Variants in REPS1 observed in about 807,000 individuals in gnomAD.
The protein encoded by REPS1 is ralBP1-associated Eps domain-containing protein 1.
A neutral mutation model predicts 100.9 loss-of-function variants in REPS1; 39 were observed. The ratio of observed to expected loss-of-function variants is 0.39; its 90% CI spans 0.30 to 0.50. The LOEUF is 0.50. Among genes scored for constraint, REPS1 ranks in the 20% least tolerant of loss-of-function variants. The pLI, the probability that REPS1 is intolerant of heterozygous loss-of-function variation, is 0.86. For missense variants in REPS1, 821 were observed against 968.5 expected, an observed-to-expected ratio of 0.85 and a Z score of 2.02; for synonymous variants, 324 against 340.3, an observed-to-expected ratio of 0.95 and a Z score of 0.53.
In REPS1 at chr6:138,917,548, T is replaced by C; in HGVS notation, c.1601+7A>G. On this transcript the variant is annotated splice_region_variant and intron_variant, in intron 13 of 19. Coordinates refer to ENST00000450536, the MANE Select transcript of REPS1 (RefSeq NM_001286611.2). ...TTAACATGCTTTTCATTGACAGAAATACTGACCTTTGACGAGTTACATTGC... is the reference window on the plus strand; with the variant it reads ...TTAACATGCTTTTCATTGACAGAAACACTGACCTTTGACGAGTTACATTGC... 6.2e-7 allele frequency: 1 copy of C among 1,606,744 alleles called. No individual in the cohort carries two copies. Among genetic ancestry groups the C allele is most frequent in the Non-Finnish European group, 8.5e-7 (1 of 1,173,488 alleles).
intron 8 of REPS1, among the ~76,000 whole-genome samples, chr6:138,937,234 A>G (rs549305081): frequency 1.3e-5 from 2 of 152,328 alleles, no homozygotes; most frequent in East Asian, 3.9e-4. Flanking sequence ...ATAAGAATTC[A>G]AGATGAGATT....
intron 12 of REPS1, among the ~76,000 whole-genome samples, chr6:138,917,858 T>C (rs957602027): frequency 1.4e-4 from 22 of 152,194 alleles, no homozygotes; most frequent in Non-Finnish European, 1.9e-4. Flanking sequence ...AAATAATGAA[T>C]ACTTAATGAT....
At chr6:138,961,103 C>G (rs1783710048) in intron 1 of REPS1, among the ~76,000 whole-genome samples, 1 of 152,140 alleles carries the variant, frequency 6.6e-6, no homozygotes, top group African/African-American at 2.4e-5. Flanking sequence ...TACTTTAGCT[C>G]TCAACACACA....
In REPS1 at chr6:138,908,689, G is replaced by A; in HGVS notation, c.2195C>T (p.Ala732Val). The part of the protein sequence containing the change: ...QKTGVLAAVL[A>V]SQPSIPRSVG... The stretch of plus-strand genomic sequence containing the variant: ...TTACCTGGGAATAGAAGGTTGTGAT[G>A]CAAGAACAGCAGCTAAGACACCCGT... Residue 732 changes from alanine to valine, a missense_variant, in exon 18 of 20, where the codon GCA (alanine) becomes GTA (valine). Transcript: ENST00000450536. 1 of 1,614,124 alleles carries A rather than the reference G, an allele frequency of 6.2e-7. No individual in the cohort carries two copies. Among genetic ancestry groups the A allele is most frequent in the Non-Finnish European group, 8.5e-7 (1 of 1,180,004 alleles).
intron 1 of REPS1, among the ~76,000 whole-genome samples, chr6:138,969,844 T>C (rs1274755625): frequency 4.7e-5 from 7 of 149,634 alleles, no homozygotes; most frequent in African/African-American, 1.7e-4. Context: ...AAGAAAGAGG[T>C]TACTGTGAAT....
Position 138,944,508 on chromosome 6 carries a change from G to C in REPS1, c.743C>G (p.Ala248Gly). 6.2e-7 allele frequency: 1 copy of C among 1,613,892 alleles called. No individual in the cohort carries two copies. Among genetic ancestry groups the C allele is most frequent in the Non-Finnish European group, 8.5e-7 (1 of 1,179,856 alleles). Reference sequence around the variant, plus strand: ...AATAAAATGTCACACCTGGACAGAAGCAGGATGCATGGTTAAAAGAGTACT... The same window carrying C: ...AATAAAATGTCACACCTGGACAGAACCAGGATGCATGGTTAAAAGAGTACT... ...PTSTLLTMHP[A>G]SVQDQTTVRT... Residue 248 changes from alanine (A) to glycine (G), a missense_variant, in exon 5 of 20, where the codon GCT (alanine) becomes GGT (glycine). By Grantham distance (60) the Ala-to-Gly change is moderately conservative. This residue lies in a region of REPS1 where 757 missense variants were observed against 866.4 expected (regional missense o/e 0.87). Coordinates refer to ENST00000450536, the MANE Select transcript of REPS1 (RefSeq NM_001286611.2).
intron 18 of REPS1, 104 bp downstream of exon 18, chr6:138,908,564 G>A: frequency 8.1e-7 from 1 of 1,240,600 alleles, no homozygotes; most frequent in East Asian, 2.4e-5. Context: ...CAAAATGCTG[G>A]GATTACAGGT....
At chr6:138,928,529 C>G (rs751702455) in intron 9 of REPS1, 9 of 151,936 alleles carry the variant, frequency 5.9e-5, no homozygotes, top group Non-Finnish European at 1.3e-4. Flanking sequence ...ACCTCATTAC[C>G]AAATACTATA....
intron 1 of REPS1, among the ~76,000 whole-genome samples, chr6:138,973,815 A>G (rs1784462307): frequency 6.6e-6 from 1 of 152,126 alleles, no homozygotes; most frequent in Non-Finnish European, 1.5e-5. Flanking sequence ...TAGGCACTAC[A>G]TCAGCATTAA....
At chr6:138,957,788 AATC>A (rs1467166355) in intron 1 of REPS1, among the ~76,000 whole-genome samples, 7 of 152,374 alleles carry the variant, frequency 4.6e-5, no homozygotes, top group African/African-American at 1.4e-4. Context: ...GAAAAGCTGT[AATC>A]ATAGTACAAT....
rs1472864192 is a variant in REPS1 at position 138,914,639 on chromosome 6, A to C, written c.1785+58T>G. On this transcript the variant is annotated intron_variant, in intron 15 of 19. Coordinates refer to ENST00000450536, the MANE Select transcript of REPS1 (RefSeq NM_001286611.2). ...CCAAATAATTTGAGAATAGAATTAA[A>C]TACCTAGCAGGCAAAGTGATCATGG... 2.2e-6 allele frequency: 3 copies of C among 1,339,550 alleles called. No individual in the cohort carries two copies. In the African/African-American group the frequency reaches 4.3e-5, roughly 19 times the overall value. 83.0% of individuals were successfully genotyped at this position (1,339,550 alleles called of 1,614,324 possible). A position where few individuals can be genotyped will look rare whatever the true frequency, so the allele number is the denominator to read the frequency against.
intron 1 of REPS1, among the ~76,000 whole-genome samples, chr6:138,983,014 A>G (rs1392629873): frequency 6.6e-6 from 1 of 152,236 alleles, no homozygotes; most frequent in African/African-American, 2.4e-5. Context: ...TACTGTTCAT[A>G]AGAACTATGG....
chr6:138,967,170 G>A (rs1048461840), intron 1 of REPS1, among the ~76,000 whole-genome samples: 5 of 152,318 alleles, frequency 3.3e-5, no homozygotes, highest in East Asian at 1.9e-4. Context: ...ACAACAAGAA[G>A]GCCCTAGCCA....
At position 138,920,288 on chromosome 6, in the gene REPS1, A is replaced by T. The variant is rs1324978058; in HGVS notation, c.1455T>A (p.Leu485=). 6.3e-7 allele frequency: 1 copy of T among 1,598,808 alleles called. No individual in the cohort carries two copies. The highest frequency in any genetic ancestry group is 1.1e-5 in the South Asian group (1 of 90,726). Residue 485 remains leucine, a synonymous_variant, in exon 12 of 20, where the codon CTT becomes CTA. Transcript: ENST00000450536. ...CTTCTAAAAGGTCAGATGGTTTCAC[A>T]AGTAATGGGCTAGTGGGATTTGTAT... The part of the protein sequence containing the change: ...SDHTNPTSPL[L]VKPSDLLEEN...
chr6:138,953,975 T>C (rs1783209686), intron 1 of REPS1, among the ~76,000 whole-genome samples: 1 of 151,964 alleles, frequency 6.6e-6, no homozygotes, highest in Non-Finnish European at 1.5e-5. Context: ...ATAAAGAAAA[T>C]GTGCTATATA....
intron 1 of REPS1, among the ~76,000 whole-genome samples, chr6:138,960,242 ACACTT>A (rs1373592550): frequency 1.3e-5 from 2 of 152,104 alleles, no homozygotes; most frequent in Non-Finnish European, 2.9e-5. Context: ...TCTATATAAA[ACACTT>A]TGGGGTTCAA....
chr6:138,938,818 C>T (rs535358073), intron 8 of REPS1, among the ~76,000 whole-genome samples: 18 of 151,508 alleles, frequency 1.2e-4, no homozygotes, highest in Admixed American at 2.6e-4. Context: ...TCCTCTTAAC[C>T]GTGACCTTTT....
intron 15 of REPS1, among the ~76,000 whole-genome samples, chr6:138,913,673 C>T (rs1178401793): frequency 6.6e-6 from 1 of 152,164 alleles, no homozygotes; most frequent in African/African-American, 2.4e-5. Flanking sequence ...TCTTCATCTC[C>T]TCTAAGAAAA....
chr6:138,962,672 C>G (rs1170441062), intron 1 of REPS1, among the ~76,000 whole-genome samples: 3 of 152,060 alleles, frequency 2.0e-5, no homozygotes, highest in Non-Finnish European at 4.4e-5. Context: ...ATGTTTTCCC[C>G]TCAGACCTCT....
Sources: gnomAD v4.1 joint callset for allele counts (sites outside exome capture counted in the v4.1 genomes callset) on GRCh38, gnomAD v4.1.1 for gene constraint, gnomAD v4.1.1 regional missense constraint, MANE v1.5 for transcripts, NCBI Gene and HGNC (gene_info 2026-07-23, HGNC 2026-07-21) for gene names.